UGCG: variants seen among roughly 807,000 people sequenced by gnomAD.
UGCG encodes UDP-glucose ceramide glucosyltransferase, also known as ceramide glucosyltransferase.
A neutral mutation model predicts 49.5 loss-of-function variants in UGCG; 10 were observed. The observed-to-expected ratio is 0.20, with a 90% CI of 0.12 to 0.34. UGCG has a LOEUF of 0.34. Ranked by LOEUF, UGCG falls within the 10% of genes least tolerant of loss-of-function variation. The probability of loss-of-function intolerance (pLI) is 1.00; values close to 1 mark genes in which losing one functional copy is unlikely to be tolerated. For synonymous variants in UGCG, 182 were observed against 158.2 expected (o/e 1.15, Z -1.13); for missense variants, 312 against 483.7 (o/e 0.65, Z 3.33).
chr9:111,911,905 GAT>G (rs200468304), intron 1 of UGCG, among the ~76,000 whole-genome samples: 66 of 79,020 alleles, frequency 8.4e-4, no homozygotes, highest in Admixed American at 1.1e-3. Context: ...TATTCAACAG[GAT>G]ATATATATAT....
chr9:111,935,231 A>C lies in UGCG; in HGVS notation c.*2234A>C, dbSNP rs1838499751. 1 of 152,228 alleles carries C rather than the reference A, an allele frequency of 6.6e-6. No individual in the cohort carries two copies. Among genetic ancestry groups the C allele is most frequent in the African/African-American group, 2.4e-5 (1 of 41,454 alleles). 9.4% of individuals were successfully genotyped at this position (152,228 alleles called of 1,614,324 possible). A position where few individuals can be genotyped will look rare whatever the true frequency, so the allele number is the denominator to read the frequency against. On this transcript the variant is annotated 3_prime_UTR_variant, in exon 9 of 9. Coordinates refer to ENST00000374279, the MANE Select transcript of UGCG (RefSeq NM_003358.3). Reference sequence around the variant, plus strand: ...AAATAATATAAATGTTGAAGAAAGCATCACAACAGAACTATAGGAGTCTAA... The same window carrying C: ...AAATAATATAAATGTTGAAGAAAGCCTCACAACAGAACTATAGGAGTCTAA...
rs1838251920 is a variant in UGCG at position 111,922,919 on chromosome 9, A to G, written c.311A>G (p.Lys104Arg). Residue 104 changes from lysine (K) to arginine (R), a missense_variant, in exon 3 of 9, where the codon AAA (lysine) becomes AGA (arginine). Transcript: ENST00000374279. Reference sequence around the variant, plus strand: ...GATGTATGTAAGAAGCTTCTTGGAAAATATCCAAATGTTGATGCTAGATTG... The same window carrying G: ...GATGTATGTAAGAAGCTTCTTGGAAGATATCCAAATGTTGATGCTAGATTG... The part of the protein sequence containing the change: ...AIDVCKKLLG[K>R]YPNVDARLFI... The G allele has an allele frequency of 6.2e-7, 1 of 1,612,978 alleles. No individual in the cohort carries two copies. Among genetic ancestry groups the G allele is most frequent in the African/African-American group, 1.3e-5 (1 of 74,912 alleles).
At chr9:111,925,312 T>G (rs1471764103) in intron 4 of UGCG, among the ~76,000 whole-genome samples, 1 of 152,252 alleles carries the variant, frequency 6.6e-6, no homozygotes, top group Non-Finnish European at 1.5e-5. Flanking sequence ...ACTTTTTACT[T>G]AAATGATTTT....
chr9:111,929,405 CAT>C (rs2118597898), intron 5 of UGCG, 93 bp from the exon 6 acceptor site: 3 of 1,284,658 alleles, frequency 2.3e-6, no homozygotes, highest in Non-Finnish European at 3.2e-6. Context: ...TTCACTCAAT[CAT>C]ACTTATAAAA....
rs1838478289 is a variant in UGCG at position 111,934,351 on chromosome 9, T to C, written c.*1354T>C. The C allele has an allele frequency of 6.6e-6, 1 of 151,792 alleles. No homozygotes were observed. The highest frequency in any genetic ancestry group is 6.6e-5 in the Admixed American group (1 of 15,242). 9.4% of individuals were successfully genotyped at this position (151,792 alleles called of 1,614,324 possible). On this transcript the variant is annotated 3_prime_UTR_variant, in exon 9 of 9. Coordinates refer to ENST00000374279, the MANE Select transcript of UGCG (RefSeq NM_003358.3). Reference sequence around the variant, plus strand: ...AACTGGACTTGATTCTGTTTTGTTTTGTTTTTTTAAAAAAAAAAAACAAAA... The same window carrying C: ...AACTGGACTTGATTCTGTTTTGTTTCGTTTTTTTAAAAAAAAAAAACAAAA...
intron 4 of UGCG, among the ~76,000 whole-genome samples, chr9:111,925,896 A>G (rs1838304909): frequency 6.6e-6 from 1 of 152,200 alleles, no homozygotes; most frequent in African/African-American, 2.4e-5. Context: ...ATTATTTACT[A>G]TCATATGTTT....
In UGCG at chr9:111,929,668, A is replaced by T; in HGVS notation, c.727A>T (p.Ile243Leu). 6.2e-7 allele frequency: 1 copy of T among 1,613,262 alleles called. No homozygotes were observed. Among genetic ancestry groups the T allele is most frequent in the African/African-American group, 1.3e-5 (1 of 75,042 alleles). ...IAEDYFMAKA[I>L]ADRGWRFAMS... ...CGAAGATTACTTTATGGCCAAAGCG[A>T]TAGCTGACCGGTAAGACAACTAAAT... The change falls in exon 6 of 9, where the codon ATA becomes TTA. Residue 243 changes from isoleucine to leucine, a missense_variant. This residue lies in a region of UGCG where 180 missense variants were observed against 320.4 expected (regional missense o/e 0.56). Coordinates refer to ENST00000374279, the MANE Select transcript of UGCG (RefSeq NM_003358.3).
intron 1 of UGCG, among the ~76,000 whole-genome samples, chr9:111,909,733 C>G (rs1837960953): frequency 6.6e-6 from 1 of 151,972 alleles, no homozygotes; most frequent in East Asian, 1.9e-4. Context: ...TATTTGGTGA[C>G]TTAATGGATA....
intron 1 of UGCG, among the ~76,000 whole-genome samples, chr9:111,900,476 ATG>A (rs10551745): frequency 0.69 from 103,841 of 150,534 alleles, 36,047 homozygotes; most frequent in East Asian, 0.88. Flanking sequence ...GTATATGTAT[ATG>A]TGTGTGTGTG....
At chr9:111,932,791 T>A (rs1308606896) in intron 8 of UGCG, 36 bp from the exon 9 acceptor site, 4 of 1,502,596 alleles carry the variant, frequency 2.7e-6, no homozygotes, top group Non-Finnish European at 3.6e-6. Context: ...AGTTTGACAG[T>A]GAGTGAAATT....
chr9:111,929,879 C>T (rs952598369), intron 6 of UGCG, among the ~76,000 whole-genome samples: 5 of 152,022 alleles, frequency 3.3e-5, no homozygotes, highest in Non-Finnish European at 5.9e-5. Flanking sequence ...AGTGCAGTGG[C>T]GCGATCTTGG....
At chr9:111,919,817 CTA>C (rs1838187646) in intron 2 of UGCG, among the ~76,000 whole-genome samples, 1 of 145,378 alleles carries the variant, frequency 6.9e-6, no homozygotes, top group African/African-American at 2.6e-5. Context: ...AAAAAAGAAA[CTA>C]TGCTATGTTT....
intron 1 of UGCG, among the ~76,000 whole-genome samples, chr9:111,902,822 GGCTGGATGGCAGTGGTGCGA>G (rs1564197090): frequency 6.6e-6 from 1 of 151,072 alleles, no homozygotes; most frequent in Non-Finnish European, 1.5e-5. Context: ...CTGTTGCCCA[GGCTGGATGGCAGTGGTGCGA>G]TCTCGGCTTA....
chr9:111,929,055 C>T (rs1838374297), intron 5 of UGCG, among the ~76,000 whole-genome samples: 1 of 129,200 alleles, frequency 7.7e-6, no homozygotes, highest in African/African-American at 2.8e-5. Flanking sequence ...CCCCACCCCC[C>T]ACCCCCCAAA....
At position 111,934,659 on chromosome 9, in the gene UGCG, A is replaced by T. The variant is rs1747882656; in HGVS notation, c.*1662A>T. Reference sequence around the variant, plus strand: ...ATGGTTTAAATGGCAACATATCTATAAGTATGTATACACATTATATTTAAG... The same window carrying T: ...ATGGTTTAAATGGCAACATATCTATTAGTATGTATACACATTATATTTAAG... On this transcript the variant is annotated 3_prime_UTR_variant, in exon 9 of 9. Transcript: ENST00000374279. 6.6e-6 allele frequency: 1 copy of T among 152,080 alleles called. No individual in the cohort carries two copies. The highest frequency in any genetic ancestry group is 2.1e-4 in the South Asian group (1 of 4,836). The allele number at this position is 152,080 out of a possible 1,614,324, so 9.4% of individuals were successfully genotyped here. A position where few individuals can be genotyped will look rare whatever the true frequency, so the allele number is the denominator to read the frequency against.
rs923530719 is a variant in UGCG, at chr9:111,897,132, G to T, written c.-84G>T. The T allele has an allele frequency of 3.2e-6, 3 of 944,060 alleles. No individual in the cohort carries two copies. Among genetic ancestry groups the T allele is most frequent in the African/African-American group, 1.8e-5 (1 of 55,044 alleles). 58.5% of individuals were successfully genotyped at this position (944,060 alleles called of 1,614,324 possible). A position where few individuals can be genotyped will look rare whatever the true frequency, so the allele number is the denominator to read the frequency against. Reference sequence around the variant, plus strand: ...CTCTCGCCTCCCGCGCCCCCGCACCGGGCGCCCACCCTGTCCTCCTCCTGC... The same window carrying T: ...CTCTCGCCTCCCGCGCCCCCGCACCTGGCGCCCACCCTGTCCTCCTCCTGC... On this transcript the variant is annotated 5_prime_UTR_variant, in exon 1 of 9. Transcript: ENST00000374279.
chr9:111,926,261 TTAAAA>T, intron 4 of UGCG, 118 bp from the exon 5 acceptor site: 1 of 605,560 alleles, frequency 1.7e-6, no homozygotes, highest in South Asian at 2.6e-5. Context: ...ATCCATATGT[TTAAAA>T]TAATGTATTT....
intron 6 of UGCG, 133 bp downstream of exon 6, chr9:111,929,811 ATAATTTT>A (rs1431882480): frequency 9.8e-7 from 1 of 1,020,200 alleles, no homozygotes; most frequent in African/African-American, 1.7e-5. Context: ...GAATAGGTCA[ATAATTTT>A]ATTATTTTGT....
intron 1 of UGCG, among the ~76,000 whole-genome samples, chr9:111,901,398 C>T (rs1837769050): frequency 6.6e-6 from 1 of 152,150 alleles, no homozygotes; most frequent in African/African-American, 2.4e-5. Flanking sequence ...GTCAAACGTT[C>T]ATCAGTCAGG....
Sources: gnomAD v4.1 joint callset for allele counts (sites outside exome capture counted in the v4.1 genomes callset) on GRCh38, gnomAD v4.1.1 for gene constraint, gnomAD v4.1.1 regional missense constraint, MANE v1.5 for transcripts, NCBI Gene and HGNC (gene_info 2026-07-23, HGNC 2026-07-21) for gene names.